Variants in FCHSD2 observed in about 807,000 individuals in gnomAD.
The protein encoded by FCHSD2 is F-BAR and double SH3 domains protein 2.
FCHSD2 carries 38 observed loss-of-function variants against 108.1 expected under a neutral mutation model. The ratio of observed to expected loss-of-function variants is 0.35; its 90% CI spans 0.27 to 0.46. The LOEUF (loss-of-function observed/expected upper bound fraction) is 0.46, where lower values mean the gene tolerates loss of function less well. Ranked by LOEUF, FCHSD2 falls within the 20% of genes least tolerant of loss-of-function variation. The pLI is 1.00. For missense variants in FCHSD2, 751 were observed against 897.8 expected, an observed-to-expected ratio of 0.84 and a Z score of 2.09; for synonymous variants, 279 against 314.7, an observed-to-expected ratio of 0.89 and a Z score of 1.20.
chr11:72,904,385 T>C (rs1855586916), intron 9 of FCHSD2, among the ~76,000 whole-genome samples: 1 of 152,190 alleles, frequency 6.6e-6, no homozygotes, highest in South Asian at 2.1e-4. Flanking sequence ...ATTTCAACCT[T>C]TTAAAATTTT....
intron 9 of FCHSD2, among the ~76,000 whole-genome samples, chr11:72,908,674 A>G (rs1855685118): frequency 6.6e-6 from 1 of 152,034 alleles, no homozygotes; most frequent in Admixed American, 6.6e-5. Flanking sequence ...TCTGCCACTT[A>G]TTTTTATCAT....
intron 8 of FCHSD2, among the ~76,000 whole-genome samples, chr11:72,983,012 G>A (rs1344958384): frequency 6.6e-6 from 1 of 151,950 alleles, no homozygotes; most frequent in Non-Finnish European, 1.5e-5. Context: ...TAAAAGAAAG[G>A]GGCCGGGCGC....
intron 3 of FCHSD2, among the ~76,000 whole-genome samples, chr11:73,081,025 ATCC>A (rs1234549752): frequency 6.6e-6 from 1 of 152,228 alleles, no homozygotes. Flanking sequence ...CAAAGTAGAC[ATCC>A]ACTTTTAATC....
At position 73,015,904 on chromosome 11, in the gene FCHSD2, T is replaced by A; in HGVS notation, c.166-19A>T. ...GCATACCCTGTTAAAAAATACATATTTTTTCTAAAATAAATATTATGCCAT... is the reference window on the plus strand; with the variant it reads ...GCATACCCTGTTAAAAAATACATATATTTTCTAAAATAAATATTATGCCAT... On this transcript the variant is annotated intron_variant, in intron 3 of 19. Transcript: ENST00000409418. The A allele has an allele frequency of 7.0e-7, 1 of 1,429,550 alleles. No homozygotes were observed. Among genetic ancestry groups the A allele is most frequent in the Non-Finnish European group, 9.7e-7 (1 of 1,033,038 alleles). The allele number at this position is 1,429,550 out of a possible 1,614,324, so 88.6% of individuals were successfully genotyped here.
At chr11:73,073,009 A>G (rs1172865478) in intron 3 of FCHSD2, among the ~76,000 whole-genome samples, 1 of 152,198 alleles carries the variant, frequency 6.6e-6, no homozygotes, top group Non-Finnish European at 1.5e-5. Flanking sequence ...AAAGTCCACA[A>G]TGTTTTCCTG....
chr11:72,948,613 T>C (rs770391567), intron 8 of FCHSD2, among the ~76,000 whole-genome samples: 7 of 152,142 alleles, frequency 4.6e-5, no homozygotes, highest in Non-Finnish European at 1.0e-4. Flanking sequence ...ATTAACAAAA[T>C]TTTAACTTAC....
chr11:73,092,817 A>G (rs1470328507), intron 2 of FCHSD2, among the ~76,000 whole-genome samples: 1 of 152,186 alleles, frequency 6.6e-6, no homozygotes, highest in Non-Finnish European at 1.5e-5. Flanking sequence ...AGTATACAGT[A>G]AAGGATTAAC....
intron 14 of FCHSD2, among the ~76,000 whole-genome samples, chr11:72,845,133 T>C (rs927707806): frequency 4.6e-5 from 7 of 151,960 alleles, no homozygotes; most frequent in Non-Finnish European, 1.0e-4. Context: ...TAAAAAGCTA[T>C]GGAGAGGCTG....
intron 2 of FCHSD2, among the ~76,000 whole-genome samples, chr11:73,106,523 A>AGAATCCCT (rs1271501438): frequency 1.3e-5 from 2 of 152,186 alleles, no homozygotes; most frequent in Non-Finnish European, 2.9e-5. Flanking sequence ...AGGAAGTGAA[A>AGAATCCCT]GAATCCCTGC....
At chr11:72,973,138 C>T (rs1857037857) in intron 8 of FCHSD2, among the ~76,000 whole-genome samples, 1 of 152,088 alleles carries the variant, frequency 6.6e-6, no homozygotes, top group Admixed American at 6.5e-5. Flanking sequence ...GAGGCCAAGG[C>T]AGGCGGATCA....
chr11:72,903,412 G>C (rs1248021178), intron 9 of FCHSD2, among the ~76,000 whole-genome samples: 1 of 151,970 alleles, frequency 6.6e-6, no homozygotes, highest in South Asian at 2.1e-4. Context: ...GTAGAGATGG[G>C]GTTTCACCCT....
In FCHSD2 at chr11:72,850,018, T is replaced by C. The variant is rs1205473131; in HGVS notation, c.1309-129A>G. On this transcript the variant is annotated intron_variant, in intron 13 of 19. Transcript: ENST00000409418. Reference sequence around the variant, plus strand: ...TTTTAACTCTGCATAGAAATGACTATCTTTCGCACTTACATTTTTCATGTT... The same window carrying C: ...TTTTAACTCTGCATAGAAATGACTACCTTTCGCACTTACATTTTTCATGTT... The C allele has an allele frequency of 1.0e-5, 6 of 580,314 alleles. No individual in the cohort carries two copies. In the Admixed American group the frequency reaches 1.8e-4, roughly 17 times the overall value. 35.9% of individuals were successfully genotyped at this position (580,314 alleles called of 1,614,324 possible).
chr11:73,121,415 C>T (rs1186087799), intron 2 of FCHSD2, among the ~76,000 whole-genome samples: 4 of 151,850 alleles, frequency 2.6e-5, no homozygotes, highest in African/African-American at 9.7e-5. Flanking sequence ...CAGAAAAGGC[C>T]TCATAAAGCA....
chr11:72,920,487 T>C (rs1043527640), intron 9 of FCHSD2, among the ~76,000 whole-genome samples: 13 of 152,144 alleles, frequency 8.5e-5, no homozygotes, highest in Admixed American at 7.2e-4. Context: ...ATGCCTGTAA[T>C]CCCAGCACTT....
chr11:72,925,196 G>T (rs1260116854), intron 8 of FCHSD2, among the ~76,000 whole-genome samples: 1 of 152,096 alleles, frequency 6.6e-6, no homozygotes, highest in Non-Finnish European at 1.5e-5. Context: ...GAGGAGAAAA[G>T]TTGAAGAAAA....
chr11:72,979,154 G>A (rs912622414), intron 8 of FCHSD2, among the ~76,000 whole-genome samples: 3 of 152,038 alleles, frequency 2.0e-5, no homozygotes, highest in Admixed American at 1.3e-4. Context: ...CACCATGCCC[G>A]GCCACAGGTA....
intron 3 of FCHSD2, among the ~76,000 whole-genome samples, chr11:73,022,602 T>C (rs1239751464): frequency 6.6e-6 from 1 of 152,196 alleles, no homozygotes; most frequent in Non-Finnish European, 1.5e-5. Context: ...AGAATCTAAA[T>C]GGATGGAGAG....
intron 2 of FCHSD2, among the ~76,000 whole-genome samples, chr11:73,131,405 T>C (rs1238085605): frequency 6.6e-6 from 1 of 150,794 alleles, no homozygotes; most frequent in South Asian, 2.1e-4. Flanking sequence ...GGCGGGCACC[T>C]GTAGTCCCAC....
intron 12 of FCHSD2, among the ~76,000 whole-genome samples, chr11:72,877,412 T>C (rs1033341330): frequency 6.6e-6 from 1 of 152,152 alleles, no homozygotes; most frequent in African/African-American, 2.4e-5. Context: ...TCACTAAGTA[T>C]AGTCTTGTTC....
Sources: gnomAD v4.1 joint callset for allele counts (sites outside exome capture counted in the v4.1 genomes callset) on GRCh38, gnomAD v4.1.1 for gene constraint, MANE v1.5 for transcripts, NCBI Gene and HGNC (gene_info 2026-07-23, HGNC 2026-07-21) for gene names.